Variants in ROBO2 observed in about 807,000 individuals in gnomAD.
ROBO2 encodes the protein roundabout guidance receptor 2.
In ROBO2, 53 loss-of-function variants were observed where a neutral mutation model predicts 160.8. The observed-to-expected ratio is 0.33, with a 90% CI of 0.26 to 0.41. ROBO2 has a LOEUF of 0.41. Among genes scored for constraint, ROBO2 ranks in the 10% least tolerant of loss-of-function variants. ROBO2 has a pLI of 1.00. For missense variants in ROBO2, 1,577 were observed against 1,722.4 expected, an observed-to-expected ratio of 0.92 and a Z score of 1.49; for synonymous variants, 664 against 611.7, an observed-to-expected ratio of 1.09 and a Z score of -1.26.
intron 2 of ROBO2, among the ~76,000 whole-genome samples, chr3:77,173,269 T>C (rs2079810577): frequency 6.6e-6 from 1 of 152,122 alleles, no homozygotes; most frequent in Admixed American, 6.6e-5. Context: ...AAGTTTGATT[T>C]GAAAAAAGAG....
At chr3:77,461,212 A>G (rs1344337223) in intron 2 of ROBO2, among the ~76,000 whole-genome samples, 1 of 152,158 alleles carries the variant, frequency 6.6e-6, no homozygotes, top group African/African-American at 2.4e-5. Flanking sequence ...TTTATTATGC[A>G]AATTTATTCA....
intron 2 of ROBO2, among the ~76,000 whole-genome samples, chr3:77,268,392 T>C (rs189308049): frequency 1.1e-4 from 17 of 152,304 alleles, no homozygotes; most frequent in Admixed American, 2.6e-4. Context: ...GAATTTTCTA[T>C]AGGACCCATT....
Position 77,327,250 on chromosome 3 carries a change from C to T in ROBO2, c.389-150164C>T, listed in dbSNP as rs145364681. Among the ~76,000 whole-genome samples, 509 of 152,208 alleles carry T rather than the reference C, an allele frequency of 3.3e-3. 1 individual carries two copies. The highest frequency in any genetic ancestry group is 7.7e-3 in the Admixed American group (117 of 15,278). ...GGCAGTTCTATGAGAATACTTCTAA[C>T]CAATGTTCTGGATTCAATATCGGGA... On this transcript the variant is annotated intron_variant, in intron 2 of 25. Transcript: ENST00000461745.
intron 2 of ROBO2, among the ~76,000 whole-genome samples, chr3:76,326,721 A>G (rs1201112500): frequency 3.4e-5 from 5 of 148,162 alleles, no homozygotes; most frequent in Non-Finnish European, 7.5e-5. Flanking sequence ...TGCACCCACT[A>G]ACTCGTCATC....
chr3:75,966,293 A>T (rs1489477206), intron 2 of ROBO2, among the ~76,000 whole-genome samples: 2 of 151,634 alleles, frequency 1.3e-5, no homozygotes, highest in Non-Finnish European at 3.0e-5. Flanking sequence ...AGACATATGC[A>T]AAAAGAACAT....
intron 4 of ROBO2, among the ~76,000 whole-genome samples, chr3:77,489,976 T>G (rs984323527): frequency 6.6e-6 from 1 of 152,166 alleles, no homozygotes; most frequent in African/African-American, 2.4e-5. Flanking sequence ...TTTTGCAGAG[T>G]GTCTGCAAGT....
chr3:77,034,498 G>A (rs977781992), intron 2 of ROBO2, among the ~76,000 whole-genome samples: 1 of 151,680 alleles, frequency 6.6e-6, no homozygotes, highest in African/African-American at 2.4e-5. Context: ...CTCCCAAACA[G>A]ATTAGTTCTT....
rs1469706650 is a variant in ROBO2, at chr3:77,081,564, C to G, written c.62-16450C>G. Among the ~76,000 whole-genome samples, 3 of 152,194 alleles carry G rather than the reference C, an allele frequency of 2.0e-5. No individual in the cohort carries two copies. The East Asian group carries it at 5.8e-4, about 29-fold the overall frequency. ...TCATTAAAGGTTGTGCCAAGTCATT[C>G]AGAAATAATCATGATACAGGCAAGT... On this transcript the variant is annotated intron_variant, in intron 1 of 25. Coordinates refer to ENST00000461745, the Ensembl canonical transcript of ROBO2.
At position 77,610,629 on chromosome 3, in the gene ROBO2, T is replaced by A. The variant is rs148460017; in HGVS notation, c.3293+2675T>A. On this transcript the variant is annotated intron_variant, in intron 21 of 25. Transcript: ENST00000461745. ...GACAAAGATAGCAAGAAAACGTCTCTGTCCAAAAGTGGTCTAGCATTAGAA... is the reference window on the plus strand; with the variant it reads ...GACAAAGATAGCAAGAAAACGTCTCAGTCCAAAAGTGGTCTAGCATTAGAA... Among the ~76,000 whole-genome samples, 778 of 150,898 alleles carry A rather than the reference T, an allele frequency of 5.2e-3. 13 individuals carry two copies. The highest frequency in any genetic ancestry group is 0.018 in the African/African-American group (753 of 41,114).
At chr3:76,566,165 G>A (rs2084507294) in intron 2 of ROBO2, among the ~76,000 whole-genome samples, 1 of 152,318 alleles carries the variant, frequency 6.6e-6, no homozygotes, top group African/African-American at 2.4e-5. Context: ...GGAGGGTTGG[G>A]TACCAAGGGA....
intron 2 of ROBO2, among the ~76,000 whole-genome samples, chr3:76,666,282 A>C (rs546401899): frequency 1.2e-4 from 18 of 151,872 alleles, no homozygotes; most frequent in Non-Finnish European, 2.5e-4. Context: ...AACTTTATGT[A>C]TTTCTTTAAT....
chr3:77,146,983 A>T (rs1456842691), intron 2 of ROBO2, among the ~76,000 whole-genome samples: 1 of 152,080 alleles, frequency 6.6e-6, no homozygotes, highest in Non-Finnish European at 1.5e-5. Context: ...CAAAAAACAA[A>T]ACAAAACAAG....
intron 2 of ROBO2, among the ~76,000 whole-genome samples, chr3:76,869,353 T>TG (rs1261911337): frequency 1.5e-5 from 2 of 136,388 alleles, no homozygotes; most frequent in Non-Finnish European, 3.2e-5. Flanking sequence ...TTTTTTTTTT[T>TG]TTTTTTTTTT....
chr3:77,609,346 G>A (rs1523751), intron 21 of ROBO2, among the ~76,000 whole-genome samples: 73,460 of 151,768 alleles, frequency 0.48, 17,997 homozygotes, highest in Middle Eastern at 0.63. Flanking sequence ...CATAAATCAT[G>A]AGCAAAGAAA....
intron 2 of ROBO2, among the ~76,000 whole-genome samples, chr3:76,454,877 T>C (rs990994488): frequency 3.3e-5 from 5 of 152,132 alleles, no homozygotes; most frequent in Admixed American, 3.3e-4. Flanking sequence ...AAGGAATTTA[T>C]TAAACAGGCA....
At chr3:76,407,307 T>G (rs1467186605) in intron 2 of ROBO2, among the ~76,000 whole-genome samples, 1 of 151,990 alleles carries the variant, frequency 6.6e-6, no homozygotes, top group East Asian at 1.9e-4. Context: ...ATTCCTGCTG[T>G]CTAAACTATT....
intron 2 of ROBO2, among the ~76,000 whole-genome samples, chr3:76,617,750 C>G (rs1423155912): frequency 6.6e-6 from 1 of 151,964 alleles, no homozygotes; most frequent in Non-Finnish European, 1.5e-5. Context: ...CAAGACTATG[C>G]AATTTATAAA....
chr3:77,569,894 T>G (rs2093594990), intron 13 of ROBO2, among the ~76,000 whole-genome samples: 1 of 152,040 alleles, frequency 6.6e-6, no homozygotes, highest in African/African-American at 2.4e-5. Context: ...TATTTAGGAT[T>G]ACACTTTCTT....
intron 24 of ROBO2, among the ~76,000 whole-genome samples, chr3:77,636,614 A>C (rs189144954): frequency 6.6e-6 from 1 of 152,174 alleles, no homozygotes; most frequent in African/African-American, 2.4e-5. Context: ...AAAAGGAAGA[A>C]GGAAAATAAA....
Sources: gnomAD v4.1 joint callset for allele counts (sites outside exome capture counted in the v4.1 genomes callset) on GRCh38, gnomAD v4.1.1 for gene constraint, MANE v1.5 for transcripts, NCBI Gene and HGNC (gene_info 2026-07-23, HGNC 2026-07-21) for gene names.